ARNT2: variants seen among roughly 807,000 people sequenced by gnomAD.
The protein encoded by ARNT2 is ARNT protein 2.
Under a neutral mutation model 91.7 loss-of-function variants are expected in ARNT2, and 36 were observed. The ratio of observed to expected loss-of-function variants is 0.39; its 90% CI spans 0.30 to 0.52. The LOEUF is 0.52. ARNT2 is among the 20% of genes least tolerant of loss of function. The pLI is 0.72. For missense variants in ARNT2, 775 were observed against 939.3 expected (o/e 0.83, Z 2.29); for synonymous variants, 365 against 347.1 (o/e 1.05, Z -0.57).
intron 10 of ARNT2, chr15:80,554,779 A>G: frequency 3.2e-6 from 1 of 308,674 alleles, no homozygotes; most frequent in Non-Finnish European, 6.1e-6. Flanking sequence ...TTGCCTCTCC[A>G]AGACAAACAA....
At chr15:80,436,685 T>C (rs1355823399) in intron 1 of ARNT2, among the ~76,000 whole-genome samples, 1 of 152,184 alleles carries the variant, frequency 6.6e-6, no homozygotes, top group Non-Finnish European at 1.5e-5. Flanking sequence ...CAACAATCAG[T>C]ACACGTGGAG....
intron 2 of ARNT2, among the ~76,000 whole-genome samples, chr15:80,455,196 G>A (rs1896463599): frequency 6.6e-6 from 1 of 152,122 alleles, no homozygotes; most frequent in African/African-American, 2.4e-5. Flanking sequence ...AAGATCCTTT[G>A]TGTCCTCCAG....
At chr15:80,565,079 C>T (rs953751557) in intron 12 of ARNT2, among the ~76,000 whole-genome samples, 27 of 152,198 alleles carry the variant, frequency 1.8e-4, no homozygotes, top group Middle Eastern at 3.4e-3. Flanking sequence ...CACACCACCA[C>T]GCCTGGCTGA....
At chr15:80,558,862 T>C (rs118171309) in intron 11 of ARNT2, among the ~76,000 whole-genome samples, 2,713 of 152,348 alleles carry the variant, frequency 0.018, 38 homozygotes, top group East Asian at 0.098. Context: ...CGTTTAGCAG[T>C]CAGGTTTGGG....
At chr15:80,451,140 T>C (rs2141380708) in intron 2 of ARNT2, 146 bp downstream of exon 2, 2 of 805,520 alleles carry the variant, frequency 2.5e-6, no homozygotes, top group East Asian at 5.4e-5. Context: ...GATTCCTAAA[T>C]ATGCACATGA....
chr15:80,592,206 C>T (rs1458687780), intron 18 of ARNT2, among the ~76,000 whole-genome samples: 1 of 152,178 alleles, frequency 6.6e-6, no homozygotes, highest in African/African-American at 2.4e-5. Context: ...TACCTGGGCA[C>T]CTTGAAACTC....
At chr15:80,578,347 G>A (rs1477870385) in intron 15 of ARNT2, among the ~76,000 whole-genome samples, 1 of 152,116 alleles carries the variant, frequency 6.6e-6, no homozygotes, top group Non-Finnish European at 1.5e-5. Context: ...GGTGTGCTGA[G>A]TGAAGCCTTG....
chr15:80,409,275 A>T (rs1895648999), intron 1 of ARNT2, among the ~76,000 whole-genome samples: 1 of 152,178 alleles, frequency 6.6e-6, no homozygotes, highest in African/African-American at 2.4e-5. Context: ...TGATGTTTTT[A>T]CTGTCTCCAT....
rs1047975297 is a variant in ARNT2 at position 80,407,303 on chromosome 15, T to C, written c.31+2757T>C. On this transcript the variant is annotated intron_variant, in intron 1 of 18. Transcript: ENST00000303329. ...TTTACAATGACACTCTTCTGTGATG[T>C]GTAGTGGGGATTCTCTAGGGTCTTG... Among the ~76,000 whole-genome samples the C allele has an allele frequency of 2.6e-5, 4 of 152,168 alleles. No homozygotes were observed. The East Asian group carries it at 5.8e-4, about 22-fold the overall frequency.
At chr15:80,580,111 G>A (rs1169420842) in intron 15 of ARNT2, 5 of 306,954 alleles carry the variant, frequency 1.6e-5, no homozygotes, top group Non-Finnish European at 3.1e-5. Flanking sequence ...AGCAGAGGAT[G>A]TACAGGCATA....
intron 8 of ARNT2, among the ~76,000 whole-genome samples, chr15:80,521,730 G>T (rs1369679275): frequency 6.6e-6 from 1 of 152,170 alleles, no homozygotes; most frequent in Non-Finnish European, 1.5e-5. Flanking sequence ...TTCGTAGAAT[G>T]TTGGTAATTG....
In ARNT2 at chr15:80,581,313, C is replaced by A. The variant is rs144942031; in HGVS notation, c.1827C>A (p.Asp609Glu). Residue 609 changes from aspartate (D) to glutamate (E), a missense_variant, in exon 17 of 19, where the codon GAC becomes GAA. Asp to Glu is a conservative substitution (Grantham distance 45). Around this residue, in one of 5 missense-constraint regions of ARNT2, gnomAD observed 325 missense variants for 359.9 expected, o/e 0.90. Coordinates refer to ENST00000303329, the MANE Select transcript of ARNT2 (RefSeq NM_014862.4). ...GIGTSHTYPA[D>E]PSSYSPLSSP... Reference sequence around the variant, plus strand: ...GAACGAGCCACACCTACCCGGCAGACCCCTCTTCCTACAGCCCCCTCTCCA... The same window carrying A: ...GAACGAGCCACACCTACCCGGCAGAACCCTCTTCCTACAGCCCCCTCTCCA... 2.5e-6 allele frequency: 4 copies of A among 1,614,060 alleles called. No homozygotes were observed. Among genetic ancestry groups the A allele is most frequent in the Non-Finnish European group, 3.4e-6 (4 of 1,180,034 alleles).
intron 1 of ARNT2, among the ~76,000 whole-genome samples, chr15:80,407,596 C>T (rs755073642): frequency 3.7e-4 from 57 of 152,238 alleles, no homozygotes; most frequent in Admixed American, 9.8e-4. Flanking sequence ...ACAGTCCTTA[C>T]GTTGGTCACT....
At chr15:80,470,625 T>G (rs1896719733) in intron 4 of ARNT2, among the ~76,000 whole-genome samples, 194 bp downstream of exon 4, 1 of 152,214 alleles carries the variant, frequency 6.6e-6, no homozygotes, top group South Asian at 2.1e-4. Flanking sequence ...CTTTTATGTT[T>G]CCCATAACCT....
intron 3 of ARNT2, among the ~76,000 whole-genome samples, chr15:80,464,985 G>A (rs1041144714): frequency 2.0e-5 from 3 of 152,196 alleles, no homozygotes; most frequent in African/African-American, 7.2e-5. Context: ...ATGAGCCTAT[G>A]CAAAGGGTCT....
intron 8 of ARNT2, among the ~76,000 whole-genome samples, chr15:80,527,338 G>T (rs1356034505): frequency 1.3e-5 from 2 of 152,194 alleles, no homozygotes; most frequent in East Asian, 1.9e-4. Flanking sequence ...GGGGAAACAT[G>T]CATGTAGGAG....
intron 8 of ARNT2, among the ~76,000 whole-genome samples, chr15:80,519,764 C>A (rs146846436): frequency 0.031 from 4,654 of 148,484 alleles, 87 homozygotes; most frequent in Non-Finnish European, 0.051. Flanking sequence ...CTGGTCACTG[C>A]AAGCTCTGCC....
intron 15 of ARNT2, 29 bp from the exon 16 acceptor site, chr15:80,580,382 C>T (rs368081926): frequency 3.8e-5 from 62 of 1,613,260 alleles, no homozygotes; most frequent in African/African-American, 3.2e-4. Flanking sequence ...GGTGTGTCCT[C>T]GGGATAAATG....
chr15:80,583,082 C>G (rs1898828520), intron 17 of ARNT2, among the ~76,000 whole-genome samples: 1 of 152,180 alleles, frequency 6.6e-6, no homozygotes, highest in South Asian at 2.1e-4. Context: ...GAGACCTGGT[C>G]CCCACCCAGA....
Sources: allele counts gnomAD v4.1 joint callset (sites outside exome capture counted in the v4.1 genomes callset), GRCh38; gene constraint gnomAD v4.1.1; regional missense constraint gnomAD v4.1.1; transcripts MANE v1.5; gene names NCBI Gene and HGNC (gene_info 2026-07-23, HGNC 2026-07-21).